Variants in PCDHGA11 observed in about 807,000 individuals in gnomAD.
PCDHGA11 encodes the protein protocadherin gamma-A11.
A neutral mutation model predicts 60.4 loss-of-function variants in PCDHGA11; 39 were observed. The ratio of observed to expected loss-of-function variants is 0.65; its 90% confidence interval spans 0.50 to 0.84. The LOEUF is 0.84. Among genes scored for constraint, PCDHGA11 ranks in the 40% least tolerant of loss-of-function variants. PCDHGA11 has a pLI of 0.00. For missense variants in PCDHGA11, 1,165 were observed against 1,197.7 expected (o/e 0.97, Z 0.40); for synonymous variants, 533 against 510.3 (o/e 1.04, Z -0.60).
chr5:141,498,053 G>A (rs2099781284), intron 2 of PCDHGA11, among the ~76,000 whole-genome samples: 1 of 152,204 alleles, frequency 6.6e-6, no homozygotes, highest in Non-Finnish European at 1.5e-5. Flanking sequence ...AAATAAATGT[G>A]AGACTGAAAC....
At chr5:141,427,067 G>A (rs1170378664) in intron 1 of PCDHGA11, 1 of 457,930 alleles carries the variant, frequency 2.2e-6, no homozygotes, top group Non-Finnish European at 4.4e-6. Context: ...CTGTACTAAA[G>A]GTGACAGCCA....
rs1161697588 is a variant in PCDHGA11, at chr5:141,491,464, T to C, written c.2434-3343T>C. 7 of 1,613,982 alleles carry C rather than the reference T, an allele frequency of 4.3e-6. No homozygotes were observed. In the African/African-American group the frequency reaches 9.3e-5, roughly 22 times the overall value. On this transcript the variant is annotated intron_variant, in intron 1 of 3. Transcript: ENST00000398587. This position sits in a 1 kb window ranked among gnomAD's most constrained non-coding sequence, Gnocchi z 6.9. ...CCAGGACTCACCCTCCCCGGACTTCTATAAGCAGTCCAGCCCCAACCTGCA... is the reference window on the plus strand; with the variant it reads ...CCAGGACTCACCCTCCCCGGACTTCCATAAGCAGTCCAGCCCCAACCTGCA...
At chr5:141,454,316 A>G (rs887472165) in intron 1 of PCDHGA11, among the ~76,000 whole-genome samples, 4 of 152,188 alleles carry the variant, frequency 2.6e-5, no homozygotes, top group Non-Finnish European at 4.4e-5. Context: ...AAGCATTGAA[A>G]CCTCCAAGAA....
intron 3 of PCDHGA11, chr5:141,506,958 A>C (rs529190059): frequency 1.6e-3 from 239 of 152,280 alleles, no homozygotes; most frequent in African/African-American, 5.5e-3. Flanking sequence ...GAATCCTCTC[A>C]ATAGCTCTGC....
chr5:141,434,178 G>C (rs960680568), intron 1 of PCDHGA11, among the ~76,000 whole-genome samples: 1 of 152,178 alleles, frequency 6.6e-6, no homozygotes, highest in African/African-American at 2.4e-5. Flanking sequence ...TTATATCCAA[G>C]ATTTGTAATT....
chr5:141,491,612 G>A lies in PCDHGA11; in HGVS notation c.2434-3195G>A, dbSNP rs759955730. ...GACGGCAGTGACTTCACTTTTCTAAGACCCCTCAGCGTTCAGCAGCCCACA... is the reference window on the plus strand; with the variant it reads ...GACGGCAGTGACTTCACTTTTCTAAAACCCCTCAGCGTTCAGCAGCCCACA... On this transcript the variant is annotated intron_variant, in intron 1 of 3. Coordinates refer to ENST00000398587, the MANE Select transcript of PCDHGA11 (RefSeq NM_018914.3). The surrounding 1 kb of genome is among the most constrained non-coding windows in gnomAD (Gnocchi z 6.9). 6.2e-7 allele frequency: 1 copy of A among 1,613,906 alleles called. No individual in the cohort carries two copies. The highest frequency in any genetic ancestry group is 8.5e-7 in the Non-Finnish European group (1 of 1,180,026).
chr5:141,507,816 TG>T (rs1478957063), intron 3 of PCDHGA11, among the ~76,000 whole-genome samples: 1 of 152,130 alleles, frequency 6.6e-6, no homozygotes, highest in African/African-American at 2.4e-5. Flanking sequence ...GAACGGACCC[TG>T]GGGGTGGAGG....
At position 141,422,706 on chromosome 5, in the gene PCDHGA11, G is replaced by A. The variant is rs758922274; in HGVS notation, c.1479G>A (p.Thr493=). The change falls in exon 1 of 4, where the codon ACG becomes ACA. Residue 493 remains threonine, a synonymous_variant. Transcript: ENST00000398587. ...KQNALVTYSL[T]DDTVQGVPLS... ...ATGCCCTGGTCACTTACTCTCTGAC[G>A]GATGACACTGTCCAGGGGGTGCCTC... The A allele has an allele frequency of 8.1e-6, 13 of 1,602,906 alleles. No homozygotes were observed. In the South Asian group the frequency reaches 1.5e-4, roughly 18 times the overall value.
At chr5:141,449,212 GT>G (rs1405401595) in intron 1 of PCDHGA11, among the ~76,000 whole-genome samples, 1 of 152,134 alleles carries the variant, frequency 6.6e-6, no homozygotes, top group African/African-American at 2.4e-5. Context: ...CTAACTTTCT[GT>G]TTTGAAATGA....
rs769671283 is a variant in PCDHGA11, at chr5:141,511,391, C to A, written c.*218C>A. 1 of 1,079,748 alleles carries A rather than the reference C, an allele frequency of 9.3e-7. No homozygotes were observed. The allele number at this position is 1,079,748 out of a possible 1,614,324, so 66.9% of individuals were successfully genotyped here. On this transcript the variant is annotated 3_prime_UTR_variant, in exon 4 of 4. Transcript: ENST00000398587. ...TGCAAAAGCAGTTCCGCTGGGAACC[C>A]CCATCCAATCAACTGCTGTACCCAT...
chr5:141,467,084 A>T, intron 1 of PCDHGA11, among the ~76,000 whole-genome samples: 1 of 142,674 alleles, frequency 7.0e-6, no homozygotes, highest in African/African-American at 2.6e-5. Context: ...ACCAAGTCTC[A>T]CTCTGTCACA....
rs921020435 is a variant in PCDHGA11, at chr5:141,477,853, G to A, written c.2434-16954G>A. 5.0e-6 allele frequency: 8 copies of A among 1,613,344 alleles called. No homozygotes were observed. The East Asian group carries it at 1.6e-4, about 31-fold the overall frequency. On this transcript the variant is annotated intron_variant, in intron 1 of 3. Coordinates refer to ENST00000398587, the MANE Select transcript of PCDHGA11 (RefSeq NM_018914.3). The surrounding 1 kb of genome is among the most constrained non-coding windows in gnomAD (Gnocchi z 4.9). The stretch of plus-strand genomic sequence containing the variant: ...GGCCAGGTGGGAGCTCGGTGGAGAT[G>A]CTGCCTCGAGGTACCTCAGCTGGCC...
intron 1 of PCDHGA11, chr5:141,426,745 A>G (rs866203428): frequency 6.2e-5 from 28 of 454,130 alleles, no homozygotes; most frequent in Middle Eastern, 6.5e-4. Context: ...TTTGGCCTGG[A>G]ATCTGCTATA....
chr5:141,469,404 G>A (rs1439441297), intron 1 of PCDHGA11, among the ~76,000 whole-genome samples: 7 of 151,874 alleles, frequency 4.6e-5, no homozygotes, highest in African/African-American at 1.5e-4. Flanking sequence ...GTGAAACCCC[G>A]TTTCTACTAA....
chr5:141,489,804 G>A lies in PCDHGA11; in HGVS notation c.2434-5003G>A, dbSNP rs2099692572. 1 of 1,614,056 alleles carries A rather than the reference G, an allele frequency of 6.2e-7. No homozygotes were observed. The highest frequency in any genetic ancestry group is 1.3e-5 in the African/African-American group (1 of 74,932). ...TGAATGTGAAGACCCTAAAAGATGG[G>A]AAGCCATTCCCAGAGCTGGTGCTAG... On this transcript the variant is annotated intron_variant, in intron 1 of 3. Transcript: ENST00000398587. The surrounding 1 kb of genome is among the most constrained non-coding windows in gnomAD (Gnocchi z 4.5).
chr5:141,508,269 C>G (rs1459186158), intron 3 of PCDHGA11: 1 of 152,186 alleles, frequency 6.6e-6, no homozygotes, highest in Non-Finnish European at 1.5e-5. Flanking sequence ...GAGAAAATCC[C>G]GGTCCTTGAC....
Position 141,438,625 on chromosome 5 carries a change from TATATATATATACAC to T in PCDHGA11, c.2433+14967_2433+14980del, listed in dbSNP as rs1291649000. Among the ~76,000 whole-genome samples, 88 of 46,398 alleles carry T rather than the reference TATATATATATACAC, an allele frequency of 1.9e-3. 1 individual carries two copies. The highest frequency in any genetic ancestry group is 8.6e-3 in the African/African-American group (72 of 8,380). 30.4% of individuals were successfully genotyped at this position (46,398 alleles called of 152,430 possible). A position where few individuals can be genotyped will look rare whatever the true frequency, so the allele number is the denominator to read the frequency against. ...ATATATATATATATATATATATATATATATATATATACACACACACACACACATATATGTATATA... is the reference window on the plus strand; with the variant it reads ...ATATATATATATATATATATATATATACACACACACACATATATGTATATA... On this transcript the variant is annotated intron_variant, in intron 1 of 3. Transcript: ENST00000398587.
At chr5:141,436,611 C>T (rs893312137) in intron 1 of PCDHGA11, among the ~76,000 whole-genome samples, 1 of 152,126 alleles carries the variant, frequency 6.6e-6, no homozygotes, top group Non-Finnish European at 1.5e-5. Context: ...CTAGGGCTAA[C>T]AAAAATCTGA....
In PCDHGA11 at chr5:141,511,342, C is replaced by G. The variant is rs2099883728; in HGVS notation, c.*169C>G. The stretch of plus-strand genomic sequence containing the variant: ...AACAAGTGCCCAGTCAGCACCTACC[C>G]CTTCCCCCCCAGGGGGTTGAATATG... On this transcript the variant is annotated 3_prime_UTR_variant, in exon 4 of 4. Coordinates refer to ENST00000398587, the MANE Select transcript of PCDHGA11 (RefSeq NM_018914.3). 1 of 1,424,960 alleles carries G rather than the reference C, an allele frequency of 7.0e-7. No homozygotes were observed. Among genetic ancestry groups the G allele is most frequent in the Admixed American group, 2.6e-5 (1 of 38,556 alleles). 88.3% of individuals were successfully genotyped at this position (1,424,960 alleles called of 1,614,324 possible).
Sources: gnomAD v4.1 joint callset for allele counts (sites outside exome capture counted in the v4.1 genomes callset) on GRCh38, gnomAD v4.1.1 for gene constraint, Gnocchi (gnomAD v3.1) non-coding constraint, MANE v1.5 for transcripts, NCBI Gene and HGNC (gene_info 2026-07-23, HGNC 2026-07-21) for gene names.